The following SRCAP variants were observed in gnomAD, a reference collection of about 807,000 sequenced individuals.
The protein encoded by SRCAP is Snf2 related CREBBP activator protein.
SRCAP carries 46 observed loss-of-function variants against 263.1 expected under a neutral mutation model. The observed-to-expected ratio is 0.17, with a 90% CI of 0.14 to 0.22. The LOEUF (loss-of-function observed/expected upper bound fraction) is 0.22. SRCAP is among the 10% of genes least tolerant of loss of function. The pLI, the probability that SRCAP is intolerant of heterozygous loss-of-function variation, is 1.00. For synonymous variants in SRCAP, 1,813 were observed against 1,662.1 expected, an observed-to-expected ratio of 1.09 and a Z score of -2.21; for missense variants, 3,695 against 4,181.9, an observed-to-expected ratio of 0.88 and a Z score of 3.21.
chr16:30,709,418 A>G, intron 6 of SRCAP, 95 bp from the exon 7 acceptor site: 1 of 1,347,038 alleles, frequency 7.4e-7, no homozygotes, highest in Non-Finnish European at 1.1e-6. Context: ...AGGCCAGCCC[A>G]GGATCTGGTT....
At chr16:30,715,184 C>T (rs1252416791) in intron 16 of SRCAP, among the ~76,000 whole-genome samples, 1 of 152,240 alleles carries the variant, frequency 6.6e-6, no homozygotes, top group Non-Finnish European at 1.5e-5. Context: ...GAACTCAACA[C>T]TGTTCTAAGC....
Position 30,711,837 on chromosome 16 carries a change from T to G in SRCAP, c.1495T>G (p.Ser499Ala). 6.2e-7 allele frequency: 1 copy of G among 1,613,684 alleles called. No individual in the cohort carries two copies. The highest frequency in any genetic ancestry group is 8.5e-7 in the Non-Finnish European group (1 of 1,179,890). The change falls in exon 12 of 34, where the codon TCT becomes GCT. Residue 499 changes from serine (S) to alanine (A), a missense_variant and splice_region_variant. Ser to Ala is a moderately conservative substitution (Grantham distance 99). Around this residue, in one of 12 missense-constraint regions of SRCAP, gnomAD observed 288 missense variants for 302.4 expected, o/e 0.95. Coordinates refer to ENST00000262518, the MANE Select transcript of SRCAP (RefSeq NM_006662.3). ...PQEDSSSQSD[S>A]VEDRSEDEED... ...TAAGCCTTGGTCTTACCCTTTAGAC[T>G]CTGTGGAGGACCGGAGTGAGGATGA...
chr16:30,736,504 A>C, intron 32 of SRCAP, 37 bp from the exon 33 acceptor site: 2 of 1,613,364 alleles, frequency 1.2e-6, no homozygotes, highest in Non-Finnish European at 1.7e-6. Flanking sequence ...CCTGGGTACC[A>C]GGTTCCTAAG....
rs751009058 is a variant in SRCAP at position 30,716,208 on chromosome 16, G to C, written c.2630+6G>C. On this transcript the variant is annotated splice_donor_region_variant and intron_variant, in intron 17 of 33. Transcript: ENST00000262518. ...GACTTCATGGCACAGACCACGTAAG[G>C]GAGGAAGGAGGGTGGGCCCTGGGAC... 2 of 1,614,026 alleles carry C rather than the reference G, an allele frequency of 1.2e-6. No individual in the cohort carries two copies. Among genetic ancestry groups the C allele is most frequent in the East Asian group, 4.5e-5 (2 of 44,878 alleles).
intron 31 of SRCAP, among the ~76,000 whole-genome samples, chr16:30,735,382 G>A (rs1379140936): frequency 1.3e-5 from 2 of 151,036 alleles, no homozygotes; most frequent in African/African-American, 2.4e-5. Flanking sequence ...TCCTGACCTC[G>A]TGATCCGCCC....
Position 30,737,877 on chromosome 16 carries a change from G to T in SRCAP, c.7837G>T (p.Ala2613Ser). 1 of 1,614,174 alleles carries T rather than the reference G, an allele frequency of 6.2e-7. No homozygotes were observed. Among genetic ancestry groups the T allele is most frequent in the Non-Finnish European group, 8.5e-7 (1 of 1,180,030 alleles). Residue 2613 changes from alanine (A) to serine (S), a missense_variant, in exon 34 of 34, where the codon GCT becomes TCT. Physicochemically the swap from Ala to Ser is moderately conservative, Grantham distance 99. Coordinates refer to ENST00000262518, the MANE Select transcript of SRCAP (RefSeq NM_006662.3). The part of the protein sequence containing the change: ...TPSAPSLTLE[A>S]GSIPNGQEQE... ...TTCTGCACCCAGCCTGACCTTGGAG[G>T]CTGGCAGCATCCCCAATGGTCAAGA...
chr16:30,707,503 T>G, intron 5 of SRCAP, 69 bp from the exon 6 acceptor site: 1 of 1,606,452 alleles, frequency 6.2e-7, no homozygotes, highest in Non-Finnish European at 8.5e-7. Flanking sequence ...TGGCCTTGAT[T>G]ATTTTCTTTG....
At chr16:30,703,940 G>A in intron 3 of SRCAP, 124 bp from the exon 4 acceptor site, 1 of 1,175,132 alleles carries the variant, frequency 8.5e-7, no homozygotes, top group Non-Finnish European at 1.2e-6. Flanking sequence ...TTGTGTTTAT[G>A]AAAATAAGGT....
At chr16:30,717,990 C>T (rs1307997007) in intron 18 of SRCAP, among the ~76,000 whole-genome samples, 2 of 150,346 alleles carry the variant, frequency 1.3e-5, no homozygotes, top group East Asian at 2.0e-4. Context: ...AACTCCTGGA[C>T]GAGTAGCTGG....
Position 30,715,975 on chromosome 16 carries a change from C to T in SRCAP, c.2494-91C>T, listed in dbSNP as rs12446409. The T allele has an allele frequency of 1.2e-4, 181 of 1,523,954 alleles. 3 individuals are homozygous for T. In the South Asian group the frequency reaches 1.4e-3, roughly 12 times the overall value. The allele number at this position is 1,523,954 out of a possible 1,614,324, so 94.4% of individuals were successfully genotyped here. On this transcript the variant is annotated intron_variant, in intron 16 of 33. Coordinates refer to ENST00000262518, the MANE Select transcript of SRCAP (RefSeq NM_006662.3). Reference sequence around the variant, plus strand: ...GTGGTTGGTGTCTGATATGGTGTGCCGTATGACTCCATTAGTGTTTGCTGA... The same window carrying T: ...GTGGTTGGTGTCTGATATGGTGTGCTGTATGACTCCATTAGTGTTTGCTGA...
Position 30,720,693 on chromosome 16 carries a change from C to G in SRCAP, c.2988-20C>G, listed in dbSNP as rs764068198. 8.2e-6 allele frequency: 13 copies of G among 1,575,788 alleles called. No individual in the cohort carries two copies. In the South Asian group the frequency reaches 1.3e-4, roughly 15 times the overall value. On this transcript the variant is annotated intron_variant, in intron 19 of 33. Coordinates refer to ENST00000262518, the MANE Select transcript of SRCAP (RefSeq NM_006662.3). ...TATTCTCCTTCTGTCCCTACCCACT[C>G]TCTTAATTTTTTCTCACAGGATGCT...
chr16:30,716,107 T>C lies in SRCAP; in HGVS notation c.2535T>C (p.Val845=). 1 of 1,614,232 alleles carries C rather than the reference T, an allele frequency of 6.2e-7. No individual in the cohort carries two copies. The highest frequency in any genetic ancestry group is 8.5e-7 in the Non-Finnish European group (1 of 1,180,034). ...PFLLRRVKVD[V]EKQMPKKYEH... is the part of the protein sequence containing the mutation. The stretch of plus-strand genomic sequence containing the variant: ...TACTGCGCCGAGTTAAGGTGGATGT[T>C]GAGAAGCAGATGCCCAAAAAGTACG... The change falls in exon 17 of 34, where the codon GTT becomes GTC. Residue 845 remains valine (V), a synonymous_variant. Coordinates refer to ENST00000262518, the MANE Select transcript of SRCAP (RefSeq NM_006662.3).
intron 5 of SRCAP, 78 bp downstream of exon 5, chr16:30,707,446 A>G (rs2052839986): frequency 6.2e-7 from 1 of 1,601,834 alleles, no homozygotes; most frequent in African/African-American, 1.3e-5. Flanking sequence ...GGGACCAGAC[A>G]GAATGGTGTA....
rs1456450793 is a variant in SRCAP at position 30,729,419 on chromosome 16, G to T, written c.5974G>T (p.Ala1992Ser). The change falls in exon 27 of 34, where the codon GCC becomes TCC. Residue 1992 changes from alanine to serine, a missense_variant. By Grantham distance (99) the Ala-to-Ser change is moderately conservative (BLOSUM62 1). This residue lies in a region of SRCAP where 1,347 missense variants were observed against 1,304.4 expected (regional missense o/e 1.03). Transcript: ENST00000262518. The stretch of plus-strand genomic sequence containing the variant: ...GGAGGCACCTCCCCCTTCCCTGCAT[G>T]CCTGCCACCCACCTCCTTGGCTGGC... ...PVEAPPPSLH[A>S]CHPPPWLAPR... 1 of 1,614,128 alleles carries T rather than the reference G, an allele frequency of 6.2e-7. No individual in the cohort carries two copies. Among genetic ancestry groups the T allele is most frequent in the African/African-American group, 1.3e-5 (1 of 75,026 alleles).
rs34832576 is a variant in SRCAP, at chr16:30,724,307, C to T, written c.4883C>T (p.Pro1628Leu). The stretch of plus-strand genomic sequence containing the variant: ...CCTGTCCTGGCTTCATCACAGACTC[C>T]GGTTCCAGTTATGGCTCCATCGTCT... ...AAPVLASSQTPVPVMAPSSTP... is the reference protein window; with the variant it reads ...AAPVLASSQTLVPVMAPSSTP... The change falls in exon 25 of 34, where the codon CCG becomes CTG. Residue 1628 changes from proline (P) to leucine (L), a missense_variant. Pro to Leu is a moderately conservative substitution (Grantham distance 98). Transcript: ENST00000262518. The T allele has an allele frequency of 1.7e-5, 28 of 1,614,156 alleles. No individual in the cohort carries two copies. Among genetic ancestry groups the T allele is most frequent in the Admixed American group, 5.0e-5 (3 of 60,022 alleles).
Position 30,709,669 on chromosome 16 carries a change from C to A in SRCAP, c.790C>A (p.Pro264Thr), listed in dbSNP as rs758530336. The change falls in exon 7 of 34, where the codon CCT (proline) becomes ACT (threonine). Residue 264 changes from proline (P) to threonine (T), a missense_variant. Physicochemically the swap from Pro to Thr is conservative, Grantham distance 38. Transcript: ENST00000262518. ...PLTSSKAGSSPCLGSSSAASS... is the reference protein window; with the variant it reads ...PLTSSKAGSSTCLGSSSAASS... ...AACCTCCAGCAAAGCAGGCTCTTCC[C>A]CTTGCCTCGGCTCTTCCTCAGCTGC... is the stretch of plus-strand genomic sequence containing the variant. The A allele has an allele frequency of 1.2e-6, 2 of 1,614,058 alleles. No homozygotes were observed. The highest frequency in any genetic ancestry group is 2.7e-5 in the African/African-American group (2 of 74,922).
In SRCAP at chr16:30,733,866, C is replaced by T. The variant is rs1395401582; in HGVS notation, c.6495-28C>T. 2 of 1,613,194 alleles carry T rather than the reference C, an allele frequency of 1.2e-6. No homozygotes were observed. The highest frequency in any genetic ancestry group is 2.7e-5 in the African/African-American group (2 of 74,888). ...GGGGTTTCCTGGATATATTTGGCTGCTTACACACGGCCTTCATCACCCCCT... is the reference window on the plus strand; with the variant it reads ...GGGGTTTCCTGGATATATTTGGCTGTTTACACACGGCCTTCATCACCCCCT... On this transcript the variant is annotated intron_variant, in intron 29 of 33. Coordinates refer to ENST00000262518, the MANE Select transcript of SRCAP (RefSeq NM_006662.3). The surrounding 1 kb of genome is among the most constrained non-coding windows in gnomAD (Gnocchi z 5.3).
chr16:30,722,088 G>A (rs114736523), intron 21 of SRCAP, 34 bp from the exon 22 acceptor site: 7 of 1,599,262 alleles, frequency 4.4e-6, no homozygotes, highest in South Asian at 1.1e-5. Context: ...AGCAGGATGA[G>A]CCTTGTGTAC....
intron 21 of SRCAP, 28 bp from the exon 22 acceptor site, chr16:30,722,094 T>G (rs927399050): frequency 5.6e-6 from 9 of 1,603,460 alleles, no homozygotes; most frequent in Non-Finnish European, 7.7e-6. Flanking sequence ...ATGAGCCTTG[T>G]GTACAATAAG....
Sources: allele counts gnomAD v4.1 joint callset (sites outside exome capture counted in the v4.1 genomes callset), GRCh38; gene constraint gnomAD v4.1.1; regional missense constraint gnomAD v4.1.1; non-coding constraint Gnocchi (gnomAD v3.1); transcripts MANE v1.5; gene names NCBI Gene and HGNC (gene_info 2026-07-23, HGNC 2026-07-21).